RIF1: variants seen among roughly 807,000 people sequenced by gnomAD.
The protein encoded by RIF1 is replication timing regulatory factor 1.
Under a neutral mutation model 247.1 loss-of-function variants are expected in RIF1, and 45 were observed. That is an observed-to-expected ratio of 0.18 (90% CI 0.14 to 0.23). RIF1 has a LOEUF of 0.23. Ranked by LOEUF, RIF1 falls within the 10% of genes least tolerant of loss-of-function variation. The pLI is 1.00. For missense variants in RIF1, 2,967 were observed against 2,862.5 expected, an observed-to-expected ratio of 1.04 and a Z score of -0.83; for synonymous variants, 1,087 against 978.8, an observed-to-expected ratio of 1.11 and a Z score of -2.06.
chr2:151,454,952 C>T lies in RIF1; in HGVS notation c.2402C>T (p.Thr801Ile). The T allele has an allele frequency of 6.2e-7, 1 of 1,612,886 alleles. No individual in the cohort carries two copies. The highest frequency in any genetic ancestry group is 8.5e-7 in the Non-Finnish European group (1 of 1,179,324). The change falls in exon 22 of 36, where the codon ACT (threonine) becomes ATT (isoleucine). Residue 801 changes from threonine (T) to isoleucine (I), a missense_variant. Thr to Ile is a moderately conservative substitution (Grantham distance 89, BLOSUM62 -1). Transcript: ENST00000444746. ...KKKNEPLGKL[T>I]SLFKLIVKVI... ...AAGAATGAGCCCCTAGGGAAATTGA[C>T]TTCTTTATTTAAACTTATTGTGAAA... is the stretch of plus-strand genomic sequence containing the variant.
chr2:151,422,539 G>A (rs975387402), intron 7 of RIF1, among the ~76,000 whole-genome samples: 11 of 149,530 alleles, frequency 7.4e-5, no homozygotes, highest in East Asian at 2.0e-4. Context: ...TTGCTCTGTC[G>A]CCCAGGCTGG....
chr2:151,430,572 G>A (rs909782333), intron 9 of RIF1, among the ~76,000 whole-genome samples: 3 of 151,726 alleles, frequency 2.0e-5, no homozygotes, highest in Non-Finnish European at 4.4e-5. Flanking sequence ...TGCCTGCCTC[G>A]GTCTCCCAAA....
chr2:151,507,167 G>C, intron 13 of RIF1: 1 of 565,128 alleles, frequency 1.8e-6, no homozygotes, highest in South Asian at 2.4e-5. Context: ...GAAATTATTT[G>C]ATAAGAATTT....
At chr2:151,512,153 C>G (rs1167326335), downstream of RIF1, among the ~76,000 whole-genome samples, 1 of 151,352 alleles carries the variant, frequency 6.6e-6, no homozygotes, top group Non-Finnish European at 1.5e-5. Flanking sequence ...GCCTCAGCCT[C>G]CCAAGTAGCT....
intron 21 of RIF1, among the ~76,000 whole-genome samples, chr2:151,452,911 A>G (rs1408114503): frequency 6.6e-6 from 1 of 152,230 alleles, no homozygotes; most frequent in Non-Finnish European, 1.5e-5. Context: ...TGTCCATGCA[A>G]AACAGAGCCA....
chr2:151,472,209 C>T (rs945262058), intron 34 of RIF1, among the ~76,000 whole-genome samples: 2 of 152,108 alleles, frequency 1.3e-5, no homozygotes, highest in African/African-American at 4.8e-5. Context: ...GTGATTTTTG[C>T]ACATTGATTT....
At chr2:151,424,250 T>C (rs1013923957) in intron 8 of RIF1, among the ~76,000 whole-genome samples, 5 of 152,096 alleles carry the variant, frequency 3.3e-5, no homozygotes, top group African/African-American at 1.2e-4. Flanking sequence ...ACTACAGGCA[T>C]GTGCCAGTAT....
chr2:151,525,960 C>G, the RIF1 span: 62 of 1,612,782 alleles, frequency 3.8e-5, no homozygotes, highest in Non-Finnish European at 5.3e-5. Flanking sequence ...TCACTTACAT[C>G]ACTGACATGC....
chr2:151,525,660 T>TAATA, the RIF1 span, among the ~76,000 whole-genome samples: 359 of 152,334 alleles, frequency 2.4e-3, 9 homozygotes, highest in East Asian at 0.046. Flanking sequence ...AGCAGTTTAA[T>TAATA]AATAGGAGAG....
At chr2:151,444,319 G>A (rs1692863000) in intron 18 of RIF1, among the ~76,000 whole-genome samples, 1 of 152,114 alleles carries the variant, frequency 6.6e-6, no homozygotes, top group Non-Finnish European at 1.5e-5. Flanking sequence ...TGTTGTTTTT[G>A]TTGTTGTTGA....
At chr2:151,420,904 A>G (rs1202742843) in intron 7 of RIF1, among the ~76,000 whole-genome samples, 1 of 152,174 alleles carries the variant, frequency 6.6e-6, no homozygotes, top group Non-Finnish European at 1.5e-5. Flanking sequence ...AAATCCAGAC[A>G]TTTTACTTCA....
downstream of RIF1, chr2:151,508,158 A>G (rs1303889645): frequency 1.5e-6 from 2 of 1,295,390 alleles, no homozygotes; most frequent in Non-Finnish European, 2.2e-6. Flanking sequence ...ACAGGGATAT[A>G]GGCCAATGGG....
rs749637312 is a variant in RIF1, at chr2:151,469,808, C to T, written c.7039C>T (p.Arg2347Cys). The T allele has an allele frequency of 7.4e-6, 12 of 1,611,314 alleles. No homozygotes were observed. The highest frequency in any genetic ancestry group is 6.7e-5 in the Admixed American group (4 of 59,790). ...TASEIKTLPI[R>C]SPKVSNVKKA... is the part of the protein sequence containing the mutation. Reference sequence around the variant, plus strand: ...ATCTGAAATAAAAACTCTTCCTATCCGTTCTCCAAAAGTGTCCAATGTAAA... The same window carrying T: ...ATCTGAAATAAAAACTCTTCCTATCTGTTCTCCAAAAGTGTCCAATGTAAA... The change falls in exon 34 of 36, where the codon CGT becomes TGT. Residue 2347 changes from arginine (R) to cysteine (C), a missense_variant. Around this residue, in one of 7 missense-constraint regions of RIF1, gnomAD observed 151 missense variants for 163.4 expected, o/e 0.92. Transcript: ENST00000444746.
At chr2:151,453,775 C>T (rs981158058) in intron 21 of RIF1, among the ~76,000 whole-genome samples, 2 of 152,082 alleles carry the variant, frequency 1.3e-5, no homozygotes, top group African/African-American at 4.8e-5. Flanking sequence ...TTGAGGATGG[C>T]ATCTGCCAGG....
At chr2:151,513,759 G>C in the RIF1 span, 1 of 1,119,468 alleles carries the variant, frequency 8.9e-7, no homozygotes, top group Non-Finnish European at 1.3e-6. Flanking sequence ...AAACATACAG[G>C]GTGAATGTAA....
chr2:151,436,806 C>CTTTTT, intron 11 of RIF1, 21 bp from the exon 12 acceptor site: 1 of 1,222,942 alleles, frequency 8.2e-7, no homozygotes. Context: ...TGACTTAACT[C>CTTTTT]TTTTTTTTTT....
At chr2:151,528,533 C>T in the RIF1 span, among the ~76,000 whole-genome samples, 1 of 152,186 alleles carries the variant, frequency 6.6e-6, no homozygotes, top group Non-Finnish European at 1.5e-5. Context: ...GCCCTCAATC[C>T]ATCCTCAGGA....
chr2:151,428,179 A>C (rs561482069), intron 8 of RIF1, among the ~76,000 whole-genome samples: 4 of 152,350 alleles, frequency 2.6e-5, no homozygotes, highest in African/African-American at 9.6e-5. Context: ...CAGTGAGCCA[A>C]AATGGCACCA....
intron 34 of RIF1, among the ~76,000 whole-genome samples, chr2:151,473,314 TA>T (rs929620922): frequency 5.5e-5 from 7 of 127,054 alleles, no homozygotes; most frequent in Admixed American, 4.3e-4. Flanking sequence ...TTTTTTTTTT[TA>T]AATACAGTGT....
Sources: gnomAD v4.1 joint callset for allele counts (sites outside exome capture counted in the v4.1 genomes callset) on GRCh38, gnomAD v4.1.1 for gene constraint, gnomAD v4.1.1 regional missense constraint, MANE v1.5 for transcripts, NCBI Gene and HGNC (gene_info 2026-07-23, HGNC 2026-07-21) for gene names.